CALD1: variants seen among roughly 807,000 people sequenced by gnomAD.
The protein encoded by CALD1 is caldesmon.
A neutral mutation model predicts 99.9 loss-of-function variants in CALD1; 33 were observed. That is an observed-to-expected ratio of 0.33 (90% CI 0.25 to 0.44). CALD1 has a LOEUF of 0.44. Ranked by LOEUF, CALD1 falls within the 20% of genes least tolerant of loss-of-function variation. The probability of loss-of-function intolerance (pLI) is 1.00; values close to 1 mark genes in which losing one functional copy is unlikely to be tolerated. For missense variants in CALD1, 861 were observed against 962.1 expected (o/e 0.89, Z 1.39); for synonymous variants, 310 against 325.0 (o/e 0.95, Z 0.50).
chr7:134,754,583 C>T (rs1357016216), intron 1 of CALD1, among the ~76,000 whole-genome samples: 2 of 152,154 alleles, frequency 1.3e-5, no homozygotes, highest in Admixed American at 6.5e-5. Flanking sequence ...CCCGGAAGGA[C>T]TGCTTGACAT....
chr7:134,965,775 T>G (rs1248940827), intron 14 of CALD1, among the ~76,000 whole-genome samples: 1 of 151,522 alleles, frequency 6.6e-6, no homozygotes, highest in African/African-American at 2.4e-5. Context: ...AACTGCTTTC[T>G]GGAACCATTT....
intron 7 of CALD1, among the ~76,000 whole-genome samples, chr7:134,944,890 ACT>A (rs1209895829): frequency 6.6e-6 from 1 of 152,054 alleles, no homozygotes; most frequent in African/African-American, 2.4e-5. Context: ...GTTAGTGAAA[ACT>A]CTGCATTCTA....
chr7:134,837,090 A>G (rs1005744611), intron 1 of CALD1, among the ~76,000 whole-genome samples: 1 of 121,566 alleles, frequency 8.2e-6, no homozygotes, highest in Non-Finnish European at 1.7e-5. Flanking sequence ...CATGTAAGCT[A>G]TATCCTTTGC....
intron 9 of CALD1, among the ~76,000 whole-genome samples, chr7:134,956,746 T>C (rs1232635286): frequency 6.6e-6 from 1 of 152,224 alleles, no homozygotes; most frequent in Non-Finnish European, 1.5e-5. Context: ...TTGACTGTCC[T>C]GAACAGGGAA....
intron 1 of CALD1, among the ~76,000 whole-genome samples, chr7:134,751,424 T>C (rs957090165): frequency 6.6e-6 from 1 of 152,208 alleles, no homozygotes; most frequent in African/African-American, 2.4e-5. Context: ...TTGTCTTCCA[T>C]AGGAACCATG....
intron 3 of CALD1, among the ~76,000 whole-genome samples, chr7:134,904,512 C>G (rs911428764): frequency 6.6e-6 from 1 of 151,882 alleles, no homozygotes; most frequent in Non-Finnish European, 1.5e-5. Flanking sequence ...GCTGGGAGGT[C>G]GTTGTTCTCA....
chr7:134,903,587 G>A (rs1803150428), intron 3 of CALD1, among the ~76,000 whole-genome samples: 2 of 152,058 alleles, frequency 1.3e-5, no homozygotes, highest in Non-Finnish European at 2.9e-5. Flanking sequence ...GGCATTTCTT[G>A]GCTTGTAGAT....
intron 11 of CALD1, 28 bp downstream of exon 11, chr7:134,958,318 CT>C (rs1358133440): frequency 6.5e-7 from 1 of 1,545,568 alleles, no homozygotes; most frequent in East Asian, 2.2e-5. Flanking sequence ...CGTTATGGTC[CT>C]GCTGAACAGA....
At chr7:134,943,618 A>AT (rs544811980) in intron 7 of CALD1, among the ~76,000 whole-genome samples, 227 of 152,288 alleles carry the variant, frequency 1.5e-3, no homozygotes, top group African/African-American at 5.3e-3. Flanking sequence ...AAATTAAAAG[A>AT]TTTTTTCCGA....
chr7:134,947,240 T>C (rs1806953329), intron 7 of CALD1, among the ~76,000 whole-genome samples: 1 of 152,116 alleles, frequency 6.6e-6, no homozygotes, highest in South Asian at 2.1e-4. Context: ...CCATACTGTT[T>C]CCATAGCAGC....
At chr7:134,870,493 T>A (rs1801017337) in intron 3 of CALD1, among the ~76,000 whole-genome samples, 1 of 152,152 alleles carries the variant, frequency 6.6e-6, no homozygotes, top group South Asian at 2.1e-4. Context: ...ACTTTTTTGT[T>A]TTGTGTGGAA....
intron 14 of CALD1, 124 bp from the exon 15 acceptor site, chr7:134,968,216 A>G: frequency 1.3e-6 from 1 of 775,648 alleles, no homozygotes; most frequent in Non-Finnish European, 2.3e-6. Flanking sequence ...CCTTTCATAA[A>G]TATTTATTCC....
At chr7:134,811,328 G>C (rs888066954) in intron 1 of CALD1, among the ~76,000 whole-genome samples, 3 of 152,144 alleles carry the variant, frequency 2.0e-5, no homozygotes, top group Non-Finnish European at 4.4e-5. Flanking sequence ...CTGGGGGCAG[G>C]GGTCTGGAGT....
At chr7:134,941,343 G>T (rs1806419974) in intron 7 of CALD1, 106 bp downstream of exon 7, 1 of 883,036 alleles carries the variant, frequency 1.1e-6, no homozygotes, top group Non-Finnish European at 1.7e-6. Flanking sequence ...GTGCTAAGCA[G>T]GCAGCATGCT....
At chr7:134,728,610 T>C in the CALD1 span, among the ~76,000 whole-genome samples, 1 of 152,132 alleles carries the variant, frequency 6.6e-6, no homozygotes, top group African/African-American at 2.4e-5. Flanking sequence ...AACAGATCTG[T>C]GATGATTCTT....
At position 134,896,792 on chromosome 7, in the gene CALD1, G is replaced by T. The variant is rs530337196; in HGVS notation, c.71+28988G>T. ...CTTTATAGAGACAGGCCTAACAGTGGCAAGAGGAATGAGAAATGGGGAAGA... is the reference window on the plus strand; with the variant it reads ...CTTTATAGAGACAGGCCTAACAGTGTCAAGAGGAATGAGAAATGGGGAAGA... On this transcript the variant is annotated intron_variant, in intron 3 of 14. Transcript: ENST00000361675. Among the ~76,000 whole-genome samples, 5 of 152,306 alleles carry T rather than the reference G, an allele frequency of 3.3e-5. No homozygotes were observed. The East Asian group carries it at 9.6e-4, about 29-fold the overall frequency.
intron 1 of CALD1, among the ~76,000 whole-genome samples, chr7:134,792,560 G>A (rs1797582036): frequency 6.6e-6 from 1 of 152,102 alleles, no homozygotes; most frequent in Admixed American, 6.5e-5. Context: ...CCAAAGTGCT[G>A]GGATTACAGG....
chr7:134,923,316 A>G (rs1184991734), intron 3 of CALD1, among the ~76,000 whole-genome samples: 1 of 152,270 alleles, frequency 6.6e-6, no homozygotes, highest in African/African-American at 2.4e-5. Context: ...TTCATAGAGA[A>G]GTACTTTATA....
intron 3 of CALD1, among the ~76,000 whole-genome samples, chr7:134,889,171 G>C (rs1802023705): frequency 6.6e-6 from 1 of 152,190 alleles, no homozygotes; most frequent in South Asian, 2.1e-4. Context: ...AGTTCTATAG[G>C]TTAGATGTCT....
Sources: allele counts gnomAD v4.1 joint callset (sites outside exome capture counted in the v4.1 genomes callset), GRCh38; gene constraint gnomAD v4.1.1; transcripts MANE v1.5; gene names NCBI Gene and HGNC (gene_info 2026-07-23, HGNC 2026-07-21).